The following LRP2BP variants were observed in gnomAD, a reference collection of about 807,000 sequenced individuals.
LRP2BP encodes LRP2 binding protein, also known as LRP2-binding protein.
A neutral mutation model predicts 45.2 loss-of-function variants in LRP2BP; 38 were observed. The observed-to-expected ratio is 0.84, with a 90% CI of 0.65 to 1.10. The LOEUF (loss-of-function observed/expected upper bound fraction) is 1.10. Ranked by LOEUF, LRP2BP falls within the 50% of genes least tolerant of loss-of-function variation. The probability of loss-of-function intolerance (pLI) is 0.00; values close to 1 mark genes in which losing one functional copy is unlikely to be tolerated. For synonymous variants in LRP2BP, 153 were observed against 153.9 expected (o/e 0.99, Z 0.04); for missense variants, 385 against 418.9 (o/e 0.92, Z 0.71).
At chr4:185,372,620 T>G (rs1384721558) in intron 7 of LRP2BP, among the ~76,000 whole-genome samples, 4 of 152,202 alleles carry the variant, frequency 2.6e-5, no homozygotes, top group South Asian at 2.1e-4. Flanking sequence ...GGTGGGGCTC[T>G]TAAGAGGCGA....
At chr4:185,375,981 G>A (rs1369316879) in intron 3 of LRP2BP, among the ~76,000 whole-genome samples, 1 of 152,148 alleles carries the variant, frequency 6.6e-6, no homozygotes, top group Non-Finnish European at 1.5e-5. Flanking sequence ...ATCGAAAAGT[G>A]AGAGAGTAAG....
intron 1 of LRP2BP, among the ~76,000 whole-genome samples, chr4:185,393,080 C>A (rs1424966586): frequency 6.6e-6 from 1 of 152,092 alleles, no homozygotes; most frequent in Non-Finnish European, 1.5e-5. Flanking sequence ...ATTACAGGCA[C>A]GCACCACACA....
At position 185,373,067 on chromosome 4, in the gene LRP2BP, G is replaced by T; in HGVS notation, c.592C>A (p.His198Asn). 1 of 1,605,476 alleles carries T rather than the reference G, an allele frequency of 6.2e-7. No individual in the cohort carries two copies. The change falls in exon 7 of 9, where the codon CAT becomes AAT. Residue 198 changes from histidine (H) to asparagine (N), a missense_variant. Transcript: ENST00000505916. ...TTCCCATTGCCACATGCTTCGGAAT[G>T]CCAGTAAAATGCCTAAGAAAAGCAC... ...PKELEKAFYWHSEACGNGNLE... is the reference protein window; with the variant it reads ...PKELEKAFYWNSEACGNGNLE...
chr4:185,378,103 GAAAAA>G lies in LRP2BP; in HGVS notation c.79_83del (p.Phe27ProfsTer8). On this transcript the variant is annotated frameshift_variant, in exon 2 of 9. Transcript: ENST00000505916. LOFTEE classifies it high-confidence loss of function. ...TACCAGTCTTTTCCTTTTTCCACTG[GAAAAA>G]TTTTTGGTTTTTAGCAGCATACTGA... 6.2e-7 allele frequency: 1 copy of G among 1,613,268 alleles called. No individual in the cohort carries two copies. The highest frequency in any genetic ancestry group is 8.5e-7 in the Non-Finnish European group (1 of 1,179,758).
At chr4:185,391,553 T>TAG (rs1429485270) in intron 1 of LRP2BP, among the ~76,000 whole-genome samples, 4 of 152,372 alleles carry the variant, frequency 2.6e-5, no homozygotes, top group Admixed American at 1.3e-4. Context: ...GACTCATGGA[T>TAG]AACTATGTAC....
chr4:185,376,167 G>A (rs2095436711), intron 3 of LRP2BP, among the ~76,000 whole-genome samples: 1 of 152,124 alleles, frequency 6.6e-6, no homozygotes, highest in Non-Finnish European at 1.5e-5. Context: ...ACAAGATGTG[G>A]AGAAAGAGGG....
chr4:185,396,022 G>C, upstream of LRP2BP: 1 of 546,228 alleles, frequency 1.8e-6, no homozygotes, highest in Non-Finnish European at 2.3e-6. Context: ...GGGCCGGACA[G>C]CGGCTTCACC....
At position 185,394,946 on chromosome 4, in the gene LRP2BP, C is replaced by G; in HGVS notation, c.-189G>C. ...TAGAAAATTGATCCCACCTGCTACA[C>G]GCCTGGTGAAACTCCAGTTACTTGC... On this transcript the variant is annotated 5_prime_UTR_variant, in exon 1 of 9. Coordinates refer to ENST00000505916, the MANE Select transcript of LRP2BP (RefSeq NM_001377440.1). 1 of 985,502 alleles carries G rather than the reference C, an allele frequency of 1.0e-6. No individual in the cohort carries two copies. Among genetic ancestry groups the G allele is most frequent in the Non-Finnish European group, 1.2e-6 (1 of 829,950 alleles). 61.0% of individuals were successfully genotyped at this position (985,502 alleles called of 1,614,324 possible).
chr4:185,377,290 G>A (rs1426503670), intron 2 of LRP2BP: 9 of 338,438 alleles, frequency 2.7e-5, no homozygotes, highest in South Asian at 1.2e-4. Context: ...AGGCCGAGGC[G>A]GGTGGATCAC....
At chr4:185,385,286 G>A (rs2095467836) in intron 1 of LRP2BP, among the ~76,000 whole-genome samples, 1 of 151,804 alleles carries the variant, frequency 6.6e-6, no homozygotes. Flanking sequence ...TACTGTTACA[G>A]TTATAAATAC....
At chr4:185,384,016 T>C (rs1216600764) in intron 1 of LRP2BP, among the ~76,000 whole-genome samples, 1 of 152,228 alleles carries the variant, frequency 6.6e-6, no homozygotes, top group Non-Finnish European at 1.5e-5. Context: ...AACTATATGC[T>C]GAGTCCTAGT....
At chr4:185,378,477 T>C (rs942443347) in intron 1 of LRP2BP, 1 of 1,170,694 alleles carries the variant, frequency 8.5e-7, no homozygotes, top group Non-Finnish European at 1.1e-6. Context: ...TGGCTATGGG[T>C]TTATACATCA....
intron 1 of LRP2BP, among the ~76,000 whole-genome samples, chr4:185,387,421 G>T (rs1427077043): frequency 6.6e-6 from 1 of 152,226 alleles, no homozygotes; most frequent in African/African-American, 2.4e-5. Flanking sequence ...GCATGGTCTA[G>T]AATTGCACCC....
intron 3 of LRP2BP, among the ~76,000 whole-genome samples, 190 bp from the exon 4 acceptor site, chr4:185,375,916 C>G (rs2095435896): frequency 6.6e-6 from 1 of 152,062 alleles, no homozygotes; most frequent in South Asian, 2.1e-4. Context: ...CTCAGAGTAA[C>G]AGGCGCACGA....
chr4:185,374,422 G>A lies in LRP2BP; in HGVS notation c.370C>T (p.Pro124Ser). 1.2e-6 allele frequency: 2 copies of A among 1,614,070 alleles called. No homozygotes were observed. Among genetic ancestry groups the A allele is most frequent in the South Asian group, 1.1e-5 (1 of 91,072 alleles). ...VDYMKKILDS[P>S]CPKARHLKFA... ...TTTAAGTGTCTTGCTTTGGGACATG[G>A]AGAATCAAGAATTTTCTTCATATAG... Residue 124 changes from proline (P) to serine (S), a missense_variant, in exon 5 of 9, where the codon CCA (proline) becomes TCA (serine). By Grantham distance (74) the Pro-to-Ser change is moderately conservative (BLOSUM62 -1). Transcript: ENST00000505916.
At chr4:185,396,845 A>G, upstream of LRP2BP, 4 of 1,496,334 alleles carry the variant, frequency 2.7e-6, no homozygotes, top group Non-Finnish European at 3.7e-6. Flanking sequence ...CAGCCTGCGC[A>G]TTCTTACCTG....
Position 185,367,059 on chromosome 4 carries a change from C to A in LRP2BP, c.*121G>T. On this transcript the variant is annotated 3_prime_UTR_variant, in exon 9 of 9. Coordinates refer to ENST00000505916, the MANE Select transcript of LRP2BP (RefSeq NM_001377440.1). ...AATTCAAGAACGAAGTAACATGTCA[C>A]CTGTAAAATACCCAGGATAGTGTAA... The A allele has an allele frequency of 1.2e-6, 1 of 847,772 alleles. No homozygotes were observed. Among genetic ancestry groups the A allele is most frequent in the Non-Finnish European group, 1.9e-6 (1 of 534,174 alleles). The allele number at this position is 847,772 out of a possible 1,614,324, so 52.5% of individuals were successfully genotyped here. A position where few individuals can be genotyped will look rare whatever the true frequency, so the allele number is the denominator to read the frequency against.
chr4:185,390,675 G>C (rs141339419), intron 1 of LRP2BP: 1 of 152,170 alleles, frequency 6.6e-6, no homozygotes, highest in East Asian at 1.9e-4. Context: ...GTCTTCCAAC[G>C]GTCAGTGCAA....
intron 1 of LRP2BP, 71 bp from the exon 2 acceptor site, chr4:185,378,278 C>A: frequency 6.4e-7 from 1 of 1,556,610 alleles, no homozygotes. Flanking sequence ...AGACTCTATT[C>A]CCACCAGGTG....
Sources: gnomAD v4.1 joint callset for allele counts (sites outside exome capture counted in the v4.1 genomes callset) on GRCh38, gnomAD v4.1.1 for gene constraint, MANE v1.5 for transcripts, NCBI Gene and HGNC (gene_info 2026-07-23, HGNC 2026-07-21) for gene names.